Variants in GABRB1 observed in about 807,000 individuals in gnomAD.
GABRB1 encodes gamma-aminobutyric acid receptor subunit beta-1.
Under a neutral mutation model 51.6 loss-of-function variants are expected in GABRB1, and 17 were observed. The ratio of observed to expected loss-of-function variants is 0.33; its 90% CI spans 0.23 to 0.49. The LOEUF (loss-of-function observed/expected upper bound fraction) is 0.49. GABRB1 is among the 20% of genes least tolerant of loss of function. GABRB1 has a pLI of 0.99. For synonymous variants in GABRB1, 247 were observed against 218.9 expected (o/e 1.13, Z -1.14); for missense variants, 410 against 600.6 (o/e 0.68, Z 3.32).
intron 4 of GABRB1, among the ~76,000 whole-genome samples, chr4:47,176,231 A>G (rs917196415): frequency 2.0e-5 from 3 of 152,172 alleles, no homozygotes; most frequent in Admixed American, 6.6e-5. Context: ...TTCAACTTCT[A>G]TATGATAGGT....
chr4:47,133,995 T>A (rs572837251), intron 3 of GABRB1, among the ~76,000 whole-genome samples: 2 of 152,342 alleles, frequency 1.3e-5, no homozygotes, highest in East Asian at 1.9e-4. Flanking sequence ...AAAATACTAA[T>A]CTTTCATTTT....
intron 5 of GABRB1, among the ~76,000 whole-genome samples, chr4:47,376,646 T>C (rs749107643): frequency 7.2e-5 from 11 of 151,916 alleles, no homozygotes; most frequent in South Asian, 2.1e-4. Flanking sequence ...GACTCCGTCT[T>C]AAAAACAAAA....
chr4:47,370,344 G>A (rs1280657453), intron 5 of GABRB1, among the ~76,000 whole-genome samples: 2 of 151,996 alleles, frequency 1.3e-5, no homozygotes, highest in Admixed American at 1.3e-4. Flanking sequence ...AAAATTAGCT[G>A]GGCATGGTGC....
intron 5 of GABRB1, among the ~76,000 whole-genome samples, chr4:47,381,177 G>A (rs1389974747): frequency 6.6e-6 from 1 of 152,030 alleles, no homozygotes; most frequent in East Asian, 1.9e-4. Context: ...CTCACCCTTG[G>A]GAGCTAAGGA....
intron 8 of GABRB1, among the ~76,000 whole-genome samples, chr4:47,417,371 A>G (rs983124778): frequency 9.2e-5 from 14 of 152,164 alleles, no homozygotes; most frequent in South Asian, 8.3e-4. Context: ...TCAAAATGAT[A>G]ATAAAGTTTC....
chr4:47,301,647 C>A (rs952123837), intron 4 of GABRB1, among the ~76,000 whole-genome samples: 52 of 123,928 alleles, frequency 4.2e-4, no homozygotes, highest in African/African-American at 6.2e-4. Flanking sequence ...AAAAAAAAAA[C>A]ATTTCAATTA....
chr4:47,250,772 T>G (rs561653798), intron 4 of GABRB1, among the ~76,000 whole-genome samples: 2 of 152,334 alleles, frequency 1.3e-5, no homozygotes, highest in East Asian at 3.9e-4. Flanking sequence ...CATTTTGCAT[T>G]TCTGTGTGTC....
chr4:47,276,015 T>A (rs370665305), intron 4 of GABRB1, among the ~76,000 whole-genome samples: 15 of 152,256 alleles, frequency 9.9e-5, no homozygotes, highest in African/African-American at 3.4e-4. Flanking sequence ...AACAGAAAGT[T>A]CCATTCTGTT....
intron 4 of GABRB1, among the ~76,000 whole-genome samples, chr4:47,248,804 A>C (rs781213978): frequency 9.2e-5 from 14 of 152,088 alleles, no homozygotes; most frequent in Non-Finnish European, 1.8e-4. Context: ...AAAGGTGTTC[A>C]TAGTAGCCTT....
chr4:47,244,493 G>A (rs1352896279), intron 4 of GABRB1, among the ~76,000 whole-genome samples: 1 of 152,156 alleles, frequency 6.6e-6, no homozygotes, highest in East Asian at 1.9e-4. Flanking sequence ...GTAGAATTCA[G>A]CTGTGAATCC....
rs563852394 is a variant in GABRB1 at position 47,405,357 on chromosome 4, T to C, written c.836-1325T>C. 5.3e-5 allele frequency among the ~76,000 whole-genome samples: 8 copies of C among 152,306 alleles called. No homozygotes were observed. In the East Asian group the frequency reaches 1.5e-3, roughly 29 times the overall value. ...TGATTGGAAAATGAATGCGAAACTA[T>C]TTTTCCCTTCATTTCATTTTGCTAC... On this transcript the variant is annotated intron_variant, in intron 7 of 8. Transcript: ENST00000295454.
intron 4 of GABRB1, among the ~76,000 whole-genome samples, chr4:47,220,926 C>T (rs1486079342): frequency 6.6e-6 from 1 of 151,972 alleles, no homozygotes; most frequent in African/African-American, 2.4e-5. Flanking sequence ...GATCTCAAAT[C>T]ATCAGTTGTC....
rs1256000700 is a variant in GABRB1 at position 47,123,865 on chromosome 4, ATATATATCT to A, written c.241-37376_241-37368del. On this transcript the variant is annotated intron_variant, in intron 3 of 8. Coordinates refer to ENST00000295454, the MANE Select transcript of GABRB1 (RefSeq NM_000812.4). Reference sequence around the variant, plus strand: ...TTATATATATTATATCATATATATGATATATATCTTATATATAATATATATAATATATAA... The same window carrying A: ...TTATATATATTATATCATATATATGATATATATAATATATATAATATATAA... Among the ~76,000 whole-genome samples the A allele has an allele frequency of 1.3e-4, 11 of 85,302 alleles. 1 individual carries two copies. The South Asian group carries it at 2.3e-3, about 18-fold the overall frequency. 56.0% of individuals were successfully genotyped at this position (85,302 alleles called of 152,430 possible).
rs138838749 is a variant in GABRB1 at position 47,338,403 on chromosome 4, C to A, written c.544+18194C>A. ...TCCCAAAGTAGCATTTTTACAGATG[C>A]ACCACGCCATTCTCAAGCGTTTTAG... is the stretch of plus-strand genomic sequence containing the variant. On this transcript the variant is annotated intron_variant, in intron 5 of 8. Coordinates refer to ENST00000295454, the MANE Select transcript of GABRB1 (RefSeq NM_000812.4). Among the ~76,000 whole-genome samples, 350 of 152,288 alleles carry A rather than the reference C, an allele frequency of 2.3e-3. 1 individual carries two copies. Among genetic ancestry groups the A allele is most frequent in the African/African-American group, 8.0e-3 (334 of 41,572 alleles).
At chr4:47,316,262 G>A (rs1017793616) in intron 4 of GABRB1, among the ~76,000 whole-genome samples, 11 of 151,314 alleles carry the variant, frequency 7.3e-5, no homozygotes, top group Admixed American at 3.3e-4. Context: ...TAGGTCTTTG[G>A]TAACTACCAC....
chr4:47,289,438 T>G (rs778125486), intron 4 of GABRB1, among the ~76,000 whole-genome samples: 2 of 152,232 alleles, frequency 1.3e-5, no homozygotes, highest in Non-Finnish European at 2.9e-5. Flanking sequence ...AGATTTTTCA[T>G]AGATTATAAC....
chr4:47,372,037 C>A (rs1325111894), intron 5 of GABRB1, among the ~76,000 whole-genome samples: 1 of 152,094 alleles, frequency 6.6e-6, no homozygotes, highest in Non-Finnish European at 1.5e-5. Flanking sequence ...AATGGTATTG[C>A]CAAGATCTTC....
intron 3 of GABRB1, among the ~76,000 whole-genome samples, chr4:47,136,320 C>T (rs1017100217): frequency 6.6e-6 from 1 of 152,076 alleles, no homozygotes; most frequent in Non-Finnish European, 1.5e-5. Context: ...TTCCCTGGAA[C>T]AGGTGTCCTT....
At chr4:47,187,417 T>C (rs1224762691) in intron 4 of GABRB1, among the ~76,000 whole-genome samples, 1 of 151,900 alleles carries the variant, frequency 6.6e-6, no homozygotes, top group African/African-American at 2.4e-5. Context: ...AACCATCATT[T>C]CTTGCCTCAA....
Sources: allele counts gnomAD v4.1 joint callset (sites outside exome capture counted in the v4.1 genomes callset), GRCh38; gene constraint gnomAD v4.1.1; transcripts MANE v1.5; gene names NCBI Gene and HGNC (gene_info 2026-07-23, HGNC 2026-07-21).